The following DCX variants were observed in gnomAD, a reference collection of about 807,000 sequenced individuals.
The protein encoded by DCX is doublecortin.
A neutral mutation model predicts 20.9 loss-of-function variants in DCX; 4 were observed. The ratio of observed to expected loss-of-function variants is 0.19; its 90% CI spans 0.09 to 0.44. The LOEUF is 0.44. Among genes scored for constraint, DCX ranks in the 20% least tolerant of loss-of-function variants. The pLI is 0.99. For missense variants in DCX, 133 were observed against 296.9 expected, an observed-to-expected ratio of 0.45 and a Z score of 4.06; for synonymous variants, 103 against 111.4, an observed-to-expected ratio of 0.92 and a Z score of 0.47.
intron 3 of DCX, among the ~76,000 whole-genome samples, chrX:111,380,757 A>G (rs1180371322): frequency 9.0e-6 from 1 of 111,404 alleles, no homozygotes; most frequent in African/African-American, 3.3e-5. Flanking sequence ...ATATTATTAC[A>G]TTAATAATAT....
At chrX:111,370,781 TA>T (rs372146733) in intron 3 of DCX, among the ~76,000 whole-genome samples, 3,594 of 103,221 alleles carry the variant, frequency 0.035, 60 homozygotes, top group Admixed American at 0.045. Context: ...TGGAGAGCTT[TA>T]AAAAAAAAAA....
At chrX:111,341,421 G>A (rs1362909132) in intron 3 of DCX, among the ~76,000 whole-genome samples, 1 of 111,081 alleles carries the variant, frequency 9.0e-6, no homozygotes, top group East Asian at 2.8e-4. Flanking sequence ...AAGGAGACAG[G>A]GAGAATGGAA....
chrX:111,345,465 A>G (rs185057232), intron 3 of DCX, among the ~76,000 whole-genome samples: 386 of 112,061 alleles, frequency 3.4e-3, no homozygotes, highest in Non-Finnish European at 5.4e-3. Context: ...CAACCTACAG[A>G]ATGGGAGAAA....
intron 3 of DCX, among the ~76,000 whole-genome samples, chrX:111,357,891 G>C (rs1923876784): frequency 9.0e-6 from 1 of 111,090 alleles, no homozygotes; most frequent in African/African-American, 3.3e-5. Context: ...GCAGTGATGT[G>C]ATCTTGGCTC....
chrX:111,333,361 T>C (rs1206145597), intron 3 of DCX, among the ~76,000 whole-genome samples: 5 of 111,583 alleles, frequency 4.5e-5, no homozygotes, highest in African/African-American at 6.5e-5. Context: ...TCTATCCATG[T>C]TTCATGTATG....
chrX:111,364,998 C>T (rs1324057500), intron 3 of DCX, among the ~76,000 whole-genome samples: 1 of 109,708 alleles, frequency 9.1e-6, no homozygotes, highest in Non-Finnish European at 1.9e-5. Context: ...CTGAAGAGAA[C>T]CTCCCACCTC....
intron 3 of DCX, among the ~76,000 whole-genome samples, chrX:111,372,773 A>T (rs1490283993): frequency 8.9e-6 from 1 of 112,059 alleles, no homozygotes; most frequent in Non-Finnish European, 1.9e-5. Context: ...CAGGAAGCCT[A>T]AAAATGGCTG....
chrX:111,402,520 C>A (rs1436567152), intron 2 of DCX, among the ~76,000 whole-genome samples: 1 of 111,596 alleles, frequency 9.0e-6, no homozygotes, highest in African/African-American at 3.3e-5. Context: ...AATAAATAAA[C>A]CCTAGCCAGT....
intron 3 of DCX, among the ~76,000 whole-genome samples, chrX:111,387,260 G>A (rs987164508): frequency 9.0e-6 from 1 of 111,665 alleles, no homozygotes; most frequent in Non-Finnish European, 1.9e-5. Flanking sequence ...ATAAATAAAC[G>A]TTTAGGTTGG....
At chrX:111,398,571 T>C (rs1927524776) in intron 3 of DCX, among the ~76,000 whole-genome samples, 1 of 111,454 alleles carries the variant, frequency 9.0e-6, no homozygotes, top group African/African-American at 3.3e-5. Flanking sequence ...ATGAATGTCA[T>C]ATCATATGCT....
chrX:111,333,492 C>T (rs1483144674), intron 3 of DCX, among the ~76,000 whole-genome samples: 3 of 111,336 alleles, frequency 2.7e-5, no homozygotes, highest in African/African-American at 6.5e-5. Context: ...GCCTCAAAGA[C>T]GGGAAGCTCC....
chrX:111,305,537 G>T (rs2095043322), intron 6 of DCX, among the ~76,000 whole-genome samples: 1 of 109,183 alleles, frequency 9.2e-6, no homozygotes, highest in African/African-American at 3.3e-5. Context: ...TTTGTATCCT[G>T]TAACCTACAT....
intron 5 of DCX, among the ~76,000 whole-genome samples, chrX:111,324,359 T>C (rs2095094456): frequency 8.9e-6 from 1 of 111,775 alleles, no homozygotes; most frequent in South Asian, 3.8e-4. Context: ...CCTAATGAGC[T>C]CTCTCCCATG....
Position 111,298,241 on chromosome X carries a change from G to A in DCX, c.*3446C>T, listed in dbSNP as rs959346329. On this transcript the variant is annotated 3_prime_UTR_variant, in exon 7 of 7. Coordinates refer to ENST00000636035, the MANE Select transcript of DCX (RefSeq NM_001195553.2). ...CATTTGGGCAAGGCAAGCATTCAGTGGGGGGCTATTCAGAGGGCTCCTCAC... is the reference window on the plus strand; with the variant it reads ...CATTTGGGCAAGGCAAGCATTCAGTAGGGGGCTATTCAGAGGGCTCCTCAC... 1.3e-4 allele frequency: 14 copies of A among 111,730 alleles called. No homozygotes were observed. Among genetic ancestry groups the A allele is most frequent in the Non-Finnish European group, 1.9e-5 (1 of 53,090 alleles). The allele number at this position is 111,730 out of a possible 1,213,427, so 9.2% of individuals were successfully genotyped here.
At chrX:111,331,265 C>G (rs766951006) in intron 4 of DCX, among the ~76,000 whole-genome samples, 1 of 111,359 alleles carries the variant, frequency 9.0e-6, no homozygotes, top group Non-Finnish European at 1.9e-5. Flanking sequence ...CCCTGAATTA[C>G]GAAAACAAGG....
intron 5 of DCX, among the ~76,000 whole-genome samples, chrX:111,320,487 C>T (rs2095083914): frequency 9.0e-6 from 1 of 111,685 alleles, no homozygotes; most frequent in South Asian, 3.7e-4. Flanking sequence ...TTCTTCTTTG[C>T]TAACCATCCT....
intron 2 of DCX, 147 bp downstream of exon 2, chrX:111,409,888 T>C: frequency 1.3e-6 from 1 of 748,020 alleles, no homozygotes; most frequent in Non-Finnish European, 2.0e-6. Context: ...GTTCTGTTGA[T>C]GTCTATAGCA....
At chrX:111,384,230 C>T (rs757366806) in intron 3 of DCX, among the ~76,000 whole-genome samples, 1 of 111,561 alleles carries the variant, frequency 9.0e-6, no homozygotes, top group East Asian at 2.8e-4. Context: ...GTTGAGCTCA[C>T]TATACCTTCT....
Position 111,401,241 on chromosome X carries a change from T to C in DCX, c.454A>G (p.Thr152Ala). 8.3e-7 allele frequency: 1 copy of C among 1,211,640 alleles called. No homozygotes were observed. The highest frequency in any genetic ancestry group is 1.7e-5 in the African/African-American group (1 of 57,801). The change falls in exon 3 of 7, where the codon ACA becomes GCA. Residue 152 changes from threonine to alanine, a missense_variant. Thr to Ala is a moderately conservative substitution (Grantham distance 58). Transcript: ENST00000636035. ...TGGGGGGCTTTCATATTGGCAGATG[T>C]TTTTACGTTGACAGACCAGTTGGGA... ...VNPNWSVNVK[T>A]SANMKAPQSL...
Sources: gnomAD v4.1 joint callset for allele counts (sites outside exome capture counted in the v4.1 genomes callset) on GRCh38, gnomAD v4.1.1 for gene constraint, MANE v1.5 for transcripts, NCBI Gene and HGNC (gene_info 2026-07-23, HGNC 2026-07-21) for gene names.